LIMA1: variants seen among roughly 807,000 people sequenced by gnomAD.
LIMA1 encodes LIM domain and actin-binding protein 1.
Under a neutral mutation model 62.6 loss-of-function variants are expected in LIMA1, and 52 were observed. The ratio of observed to expected loss-of-function variants is 0.83; its 90% CI spans 0.67 to 1.05. The LOEUF is 1.05. Among genes scored for constraint, LIMA1 ranks in the 50% least tolerant of loss-of-function variants. The pLI is 0.00. For synonymous variants in LIMA1, 302 were observed against 317.8 expected (o/e 0.95, Z 0.53); for missense variants, 780 against 902.2 (o/e 0.86, Z 1.74).
At position 50,177,628 on chromosome 12, in the gene LIMA1, A is replaced by G; in HGVS notation, c.1716T>C (p.Asp572=). 1 of 1,609,536 alleles carries G rather than the reference A, an allele frequency of 6.2e-7. No homozygotes were observed. Among genetic ancestry groups the G allele is most frequent in the South Asian group, 1.1e-5 (1 of 90,356 alleles). ...ISKPEVPEDV[D]LDLKKLRRSS... ...ATCGTCTTAGCTTCTTCAGATCTAG[A>G]TCGACATCCTCAGGAACTTCGGGCT... The change falls in exon 11 of 11, where the codon GAT becomes GAC. Residue 572 remains aspartate, a synonymous_variant. Coordinates refer to ENST00000341247, the MANE Select transcript of LIMA1 (RefSeq NM_016357.5).
chr12:50,176,818 C>T lies in LIMA1; in HGVS notation c.*246G>A. On this transcript the variant is annotated 3_prime_UTR_variant, in exon 11 of 11. Coordinates refer to ENST00000341247, the MANE Select transcript of LIMA1 (RefSeq NM_016357.5). ...AATATTTCCCCAGTTACAAGCCTTACAGCACTTATGCATATCATCACTGCT... is the reference window on the plus strand; with the variant it reads ...AATATTTCCCCAGTTACAAGCCTTATAGCACTTATGCATATCATCACTGCT... 5.1e-6 allele frequency: 2 copies of T among 393,922 alleles called. No homozygotes were observed. The highest frequency in any genetic ancestry group is 4.5e-6 in the Non-Finnish European group (1 of 222,362). The allele number at this position is 393,922 out of a possible 1,614,324, so 24.4% of individuals were successfully genotyped here.
At position 50,182,120 on chromosome 12, in the gene LIMA1, C is replaced by G. The variant is rs992228188; in HGVS notation, c.1141-83G>C. ...AGATGGACCCTAGAATTTACTTTGT[C>G]TAAGGGCTCCCTTAGCTGGTCAGTC... On this transcript the variant is annotated intron_variant, in intron 9 of 10. Transcript: ENST00000341247. The G allele has an allele frequency of 4.0e-6, 6 of 1,492,580 alleles. No individual in the cohort carries two copies. In the Admixed American group the frequency reaches 5.4e-5, roughly 14 times the overall value. The allele number at this position is 1,492,580 out of a possible 1,614,324, so 92.5% of individuals were successfully genotyped here.
chr12:50,180,433 C>T (rs921558586), intron 10 of LIMA1, among the ~76,000 whole-genome samples: 3 of 152,152 alleles, frequency 2.0e-5, no homozygotes, highest in Non-Finnish European at 4.4e-5. Flanking sequence ...CAGGATCACA[C>T]CACTGCACTC....
intron 1 of LIMA1, among the ~76,000 whole-genome samples, chr12:50,263,814 TCTATATATATATAGA>T (rs1942100863): frequency 7.5e-6 from 1 of 133,432 alleles, no homozygotes; most frequent in Admixed American, 7.8e-5. Flanking sequence ...TGTGTGTGTG[TCTATATATATATAGA>T]GAGAGTATAT....
At chr12:50,201,230 G>C in intron 6 of LIMA1, 4 of 1,042,666 alleles carry the variant, frequency 3.8e-6, no homozygotes, top group Non-Finnish European at 4.6e-6. Context: ...AAGCTTGTGA[G>C]TTTTATCAGA....
intron 4 of LIMA1, among the ~76,000 whole-genome samples, chr12:50,206,645 T>C (rs1941159261): frequency 6.6e-6 from 1 of 152,212 alleles, no homozygotes; most frequent in East Asian, 1.9e-4. Flanking sequence ...TCGAAGTGCT[T>C]AGTAAGTCAC....
intron 4 of LIMA1, among the ~76,000 whole-genome samples, chr12:50,209,567 C>CAAAAAAAAAAA (rs1203309856): frequency 3.2e-4 from 20 of 61,560 alleles, no homozygotes; most frequent in East Asian, 1.0e-3. Flanking sequence ...GACTCCATCT[C>CAAAAAAAAAAA]AAAAAAAAAA....
At chr12:50,269,863 T>C (rs986894544) in intron 1 of LIMA1, among the ~76,000 whole-genome samples, 1 of 139,662 alleles carries the variant, frequency 7.2e-6, no homozygotes, top group African/African-American at 2.8e-5. Flanking sequence ...GGGGTTGCAG[T>C]GAACTGAGAT....
chr12:50,215,022 A>G (rs915316867), intron 4 of LIMA1, among the ~76,000 whole-genome samples: 3 of 152,110 alleles, frequency 2.0e-5, no homozygotes, highest in African/African-American at 7.2e-5. Flanking sequence ...ACACCTACCC[A>G]TTCATCAAGA....
At chr12:50,252,778 C>T (rs1941947401) in intron 1 of LIMA1, among the ~76,000 whole-genome samples, 1 of 152,076 alleles carries the variant, frequency 6.6e-6, no homozygotes, top group African/African-American at 2.4e-5. Context: ...AATATCCACA[C>T]CTGTAAGATA....
intron 4 of LIMA1, chr12:50,217,862 G>C: frequency 5.5e-6 from 1 of 182,630 alleles, no homozygotes; most frequent in Non-Finnish European, 1.2e-5. Context: ...GCTGACTGCC[G>C]CAGCCTCTAC....
At chr12:50,184,976 CGT>C (rs1409796255) in intron 9 of LIMA1, among the ~76,000 whole-genome samples, 1 of 152,018 alleles carries the variant, frequency 6.6e-6, no homozygotes, top group African/African-American at 2.4e-5. Flanking sequence ...GGATTACAGG[CGT>C]GCACCACCAC....
chr12:50,175,964 C>T lies in LIMA1; in HGVS notation c.*1100G>A, dbSNP rs1378760831. On this transcript the variant is annotated 3_prime_UTR_variant, in exon 11 of 11. Transcript: ENST00000341247. ...CTCCCATCCATACAATTTGGAATAT[C>T]AACTGTGTACAACAAATGTACTCAA... 1 of 152,180 alleles carries T rather than the reference C, an allele frequency of 6.6e-6. No homozygotes were observed. 9.4% of individuals were successfully genotyped at this position (152,180 alleles called of 1,614,324 possible).
intron 9 of LIMA1, among the ~76,000 whole-genome samples, chr12:50,183,826 A>AC (rs1347984414): frequency 1.3e-5 from 2 of 151,204 alleles, no homozygotes; most frequent in East Asian, 1.9e-4. Flanking sequence ...AAAAAAAAAA[A>AC]AAAAAAAACC....
At chr12:50,206,347 G>A (rs60056536) in intron 4 of LIMA1, among the ~76,000 whole-genome samples, 219 of 152,254 alleles carry the variant, frequency 1.4e-3, no homozygotes, top group African/African-American at 5.2e-3. Flanking sequence ...CATACCAGAT[G>A]ACAATGACAT....
At chr12:50,222,810 G>A in intron 3 of LIMA1, 4 of 700,702 alleles carry the variant, frequency 5.7e-6, no homozygotes, top group Non-Finnish European at 7.7e-6. Flanking sequence ...AAAGATTAAT[G>A]GGGAAAAAAA....
chr12:50,216,026 G>A (rs1433075279), intron 4 of LIMA1, among the ~76,000 whole-genome samples: 2 of 133,584 alleles, frequency 1.5e-5, no homozygotes, highest in African/African-American at 6.0e-5. Context: ...CTGGGCAACA[G>A]AGCGAGGCTG....
chr12:50,219,965 G>A (rs1941413601), intron 4 of LIMA1, among the ~76,000 whole-genome samples: 1 of 151,790 alleles, frequency 6.6e-6, no homozygotes, highest in African/African-American at 2.4e-5. Flanking sequence ...CATTACAGAT[G>A]TAAGCCACCG....
intron 1 of LIMA1, among the ~76,000 whole-genome samples, chr12:50,260,165 TA>T (rs964815926): frequency 1.3e-5 from 2 of 151,430 alleles, no homozygotes; most frequent in African/African-American, 4.8e-5. Flanking sequence ...TTTTTTTTTT[TA>T]GACAGAGTTT....
Sources: gnomAD v4.1 joint callset for allele counts (sites outside exome capture counted in the v4.1 genomes callset) on GRCh38, gnomAD v4.1.1 for gene constraint, MANE v1.5 for transcripts, NCBI Gene and HGNC (gene_info 2026-07-23, HGNC 2026-07-21) for gene names.